ROBO1: variants seen among roughly 807,000 people sequenced by gnomAD.
ROBO1 encodes roundabout guidance receptor 1.
In ROBO1, 149 loss-of-function variants were observed where a neutral mutation model predicts 195.9. The observed-to-expected ratio is 0.76, with a 90% confidence interval of 0.67 to 0.87. The LOEUF is 0.87. ROBO1 is among the 40% of genes least tolerant of loss of function. ROBO1 has a pLI of 0.00. For synonymous variants in ROBO1, 816 were observed against 733.2 expected (o/e 1.11, Z -1.82); for missense variants, 1,933 against 2,068.3 (o/e 0.93, Z 1.27).
At chr3:78,940,871 G>C (rs1013655030) in intron 3 of ROBO1, among the ~76,000 whole-genome samples, 1 of 152,098 alleles carries the variant, frequency 6.6e-6, no homozygotes, top group African/African-American at 2.4e-5. Context: ...ACCATGTGTT[G>C]AATAAATGAC....
At chr3:79,293,842 A>G (rs906789590) in intron 2 of ROBO1, among the ~76,000 whole-genome samples, 1 of 151,766 alleles carries the variant, frequency 6.6e-6, no homozygotes, top group African/African-American at 2.4e-5. Flanking sequence ...GCGGATCACG[A>G]GGTCAGGAGA....
At chr3:78,646,745 T>A (rs1490495181) in intron 20 of ROBO1, among the ~76,000 whole-genome samples, 1 of 151,976 alleles carries the variant, frequency 6.6e-6, no homozygotes, top group East Asian at 1.9e-4. Flanking sequence ...TATTTTTTAT[T>A]GTGGCTTCTG....
At chr3:79,760,292 G>GA (rs1003675763) in intron 1 of ROBO1, among the ~76,000 whole-genome samples, 2 of 30,094 alleles carry the variant, frequency 6.6e-5, no homozygotes, top group Admixed American at 3.2e-4. Context: ...AAAATTTTCA[G>GA]AAAAAATATA....
At chr3:79,040,612 A>T (rs943739858) in intron 3 of ROBO1, among the ~76,000 whole-genome samples, 2 of 151,646 alleles carry the variant, frequency 1.3e-5, no homozygotes. Context: ...ATAATTTTCT[A>T]CTCTTCACTC....
intron 2 of ROBO1, among the ~76,000 whole-genome samples, chr3:79,259,495 G>T (rs1402024986): frequency 6.6e-6 from 1 of 152,028 alleles, no homozygotes; most frequent in Non-Finnish European, 1.5e-5. Context: ...ATTGGCTATA[G>T]CCATCCCATT....
intron 4 of ROBO1, among the ~76,000 whole-genome samples, chr3:78,840,133 A>G (rs2033079266): frequency 6.6e-6 from 1 of 152,194 alleles, no homozygotes; most frequent in Non-Finnish European, 1.5e-5. Context: ...ACATCATTGT[A>G]TGATGAATTC....
At chr3:79,728,177 A>G (rs1295275580) in intron 1 of ROBO1, among the ~76,000 whole-genome samples, 1 of 152,076 alleles carries the variant, frequency 6.6e-6, no homozygotes, top group Admixed American at 6.6e-5. Context: ...ACTCATAACT[A>G]AAGACTGTAC....
At chr3:79,426,036 C>T (rs1434177943) in intron 2 of ROBO1, among the ~76,000 whole-genome samples, 1 of 152,100 alleles carries the variant, frequency 6.6e-6, no homozygotes, top group Non-Finnish European at 1.5e-5. Context: ...TACCTGCTTG[C>T]ATTTTTTTAG....
intron 8 of ROBO1, among the ~76,000 whole-genome samples, chr3:78,707,547 A>C (rs2081582123): frequency 6.6e-6 from 1 of 152,226 alleles, no homozygotes; most frequent in Admixed American, 6.5e-5. Context: ...ATGATACTGT[A>C]TTTTATAGTT....
intron 1 of ROBO1, among the ~76,000 whole-genome samples, chr3:79,642,292 G>T (rs1945688974): frequency 6.6e-6 from 1 of 152,034 alleles, no homozygotes; most frequent in Non-Finnish European, 1.5e-5. Flanking sequence ...GTCTTCAAAT[G>T]ACCAAATATA....
At chr3:79,112,846 T>G (rs772049277) in intron 3 of ROBO1, among the ~76,000 whole-genome samples, 19 of 151,910 alleles carry the variant, frequency 1.3e-4, no homozygotes, top group Non-Finnish European at 2.5e-4. Flanking sequence ...CACACCAACA[T>G]GGCATATGTA....
intron 3 of ROBO1, among the ~76,000 whole-genome samples, chr3:79,118,235 G>GT (rs397874150): frequency 0.037 from 5,239 of 141,742 alleles, 269 homozygotes; most frequent in African/African-American, 0.12. Flanking sequence ...AATTGTGTGG[G>GT]TTTTTTTTTT....
chr3:79,125,300 G>A (rs2080194046), intron 3 of ROBO1, among the ~76,000 whole-genome samples, 156 bp downstream of exon 3: 1 of 152,146 alleles, frequency 6.6e-6, no homozygotes, highest in African/African-American at 2.4e-5. Context: ...TTAGCAATAT[G>A]ATCTGATATG....
rs1322311249 is a variant in ROBO1 at position 78,685,829 on chromosome 3, C to T, written c.1259G>A (p.Arg420Gln). 2.0e-5 allele frequency: 33 copies of T among 1,611,628 alleles called. No homozygotes were observed. Among genetic ancestry groups the T allele is most frequent in the Non-Finnish European group, 2.3e-5 (27 of 1,178,504 alleles). ...GCAGATGTAATAACCAACATCAGAT[C>T]GCTGGACATTAGTAATTGTGAGGTC... ...TGDLTITNVQ[R>Q]SDVGYYICQT... The change falls in exon 10 of 31, where the codon CGA (arginine) becomes CAA (glutamine). Residue 420 changes from arginine to glutamine, a missense_variant. Coordinates refer to ENST00000464233, the MANE Select transcript of ROBO1 (RefSeq NM_002941.4).
At chr3:79,176,807 G>T (rs1195322139) in intron 2 of ROBO1, among the ~76,000 whole-genome samples, 2 of 152,088 alleles carry the variant, frequency 1.3e-5, no homozygotes, top group African/African-American at 4.8e-5. Context: ...TATTCAGAAT[G>T]CTACAATATA....
intron 4 of ROBO1, among the ~76,000 whole-genome samples, chr3:78,803,107 C>G (rs1231389623): frequency 1.3e-5 from 2 of 152,118 alleles, no homozygotes; most frequent in Non-Finnish European, 2.9e-5. Context: ...AACATGGGCT[C>G]GTGCATCAGA....
intron 4 of ROBO1, among the ~76,000 whole-genome samples, chr3:78,759,738 G>A (rs1352463860): frequency 6.6e-6 from 1 of 152,104 alleles, no homozygotes; most frequent in Non-Finnish European, 1.5e-5. Flanking sequence ...TTGAAATAAG[G>A]AACTGTGGAA....
intron 2 of ROBO1, among the ~76,000 whole-genome samples, chr3:79,477,842 T>C (rs186364360): frequency 5.3e-5 from 8 of 152,332 alleles, no homozygotes; most frequent in Non-Finnish European, 2.9e-5. Flanking sequence ...TTAAGGTCCA[T>C]GGATTCAATT....
intron 17 of ROBO1, 23 bp downstream of exon 17, chr3:78,659,663 A>ATATC (rs2107658845): frequency 7.0e-7 from 1 of 1,427,550 alleles, no homozygotes; most frequent in Non-Finnish European, 9.2e-7. Context: ...GGACATTAAT[A>ATATC]TATATATATA....
Sources: allele counts gnomAD v4.1 joint callset (sites outside exome capture counted in the v4.1 genomes callset), GRCh38; gene constraint gnomAD v4.1.1; transcripts MANE v1.5; gene names NCBI Gene and HGNC (gene_info 2026-07-23, HGNC 2026-07-21).